Variants in PTPRA observed in about 807,000 individuals in gnomAD.
PTPRA encodes receptor-type tyrosine-protein phosphatase alpha.
PTPRA carries 25 observed loss-of-function variants against 104.8 expected under a neutral mutation model. The observed-to-expected ratio is 0.24, with a 90% CI of 0.17 to 0.33. PTPRA has a LOEUF of 0.33. PTPRA is among the 10% of genes least tolerant of loss of function. The pLI, the probability that PTPRA is intolerant of heterozygous loss-of-function variation, is 1.00. For missense variants in PTPRA, 765 were observed against 1,015.3 expected, an observed-to-expected ratio of 0.75 and a Z score of 3.35; for synonymous variants, 323 against 368.9, an observed-to-expected ratio of 0.88 and a Z score of 1.43.
chr20:2,866,433 T>C, the PTPRA span: 2 of 1,614,186 alleles, frequency 1.2e-6, no homozygotes, highest in Non-Finnish European at 1.7e-6. Context: ...ACCACAGCGA[T>C]GTGGCTCAGG....
At chr20:2,892,742 G>A (rs998011903) in intron 1 of PTPRA, among the ~76,000 whole-genome samples, 1 of 152,156 alleles carries the variant, frequency 6.6e-6, no homozygotes, top group Admixed American at 6.5e-5. Context: ...TTTATGGTGG[G>A]TATATTGGAA....
Position 2,905,813 on chromosome 20 carries a change from TAGCTGG to T in PTPRA, c.-128-17393_-128-17388del, listed in dbSNP as rs1168114859. Reference sequence around the variant, plus strand: ...GATTCTCCTGTCTCAGCCTGCCGAATAGCTGGGATTACAGGCATGCGCCACCACACC... The same window carrying T: ...GATTCTCCTGTCTCAGCCTGCCGAATGATTACAGGCATGCGCCACCACACC... On this transcript the variant is annotated intron_variant, in intron 1 of 23. Coordinates refer to ENST00000399903, the MANE Select transcript of PTPRA (RefSeq NM_001385305.1). 2.0e-5 allele frequency among the ~76,000 whole-genome samples: 3 copies of T among 148,332 alleles called. No individual in the cohort carries two copies. In the East Asian group the frequency reaches 6.3e-4, roughly 31 times the overall value.
At chr20:3,028,200 C>T (rs999821877) in intron 20 of PTPRA, among the ~76,000 whole-genome samples, 1 of 152,032 alleles carries the variant, frequency 6.6e-6, no homozygotes, top group Admixed American at 6.6e-5. Flanking sequence ...GGCACCCTCT[C>T]CTTCCCAGTG....
chr20:2,995,722 G>C (rs1157651232), intron 9 of PTPRA, among the ~76,000 whole-genome samples: 1 of 152,132 alleles, frequency 6.6e-6, no homozygotes, highest in African/African-American at 2.4e-5. Flanking sequence ...ATTTCACTTA[G>C]CAAAATACAT....
intron 20 of PTPRA, among the ~76,000 whole-genome samples, chr20:3,029,942 A>G (rs2065350796): frequency 6.6e-6 from 1 of 152,168 alleles, no homozygotes; most frequent in African/African-American, 2.4e-5. Flanking sequence ...GAAATGAGCC[A>G]CTGTGTTCTC....
chr20:2,888,448 A>G, intron 1 of PTPRA, among the ~76,000 whole-genome samples: 1 of 152,014 alleles, frequency 6.6e-6, no homozygotes, highest in East Asian at 1.9e-4. Context: ...AGTCCTAGCT[A>G]CTTGGGAGGC....
chr20:2,908,428 G>T (rs2059505619), intron 1 of PTPRA, among the ~76,000 whole-genome samples: 1 of 152,182 alleles, frequency 6.6e-6, no homozygotes, highest in Non-Finnish European at 1.5e-5. Context: ...ACAGAACAGT[G>T]AAATTTTTGT....
intron 20 of PTPRA, among the ~76,000 whole-genome samples, chr20:3,030,386 A>C (rs2065377169): frequency 6.6e-6 from 1 of 152,092 alleles, no homozygotes; most frequent in Non-Finnish European, 1.5e-5. Flanking sequence ...TTGCCCTCAA[A>C]AGCTTCTGAG....
At chr20:2,892,329 A>G (rs1031071561) in intron 1 of PTPRA, among the ~76,000 whole-genome samples, 1 of 150,812 alleles carries the variant, frequency 6.6e-6, no homozygotes, top group Admixed American at 6.6e-5. Context: ...GGCCAACTGT[A>G]TGTAATTTAC....
At chr20:2,952,331 T>C (rs903109115) in intron 3 of PTPRA, among the ~76,000 whole-genome samples, 2 of 152,216 alleles carry the variant, frequency 1.3e-5, no homozygotes, top group African/African-American at 4.8e-5. Flanking sequence ...TTGCAGCATC[T>C]TTCATGTGCT....
chr20:3,037,271 A>G lies in PTPRA; in HGVS notation c.2316A>G (p.Pro772=), dbSNP rs2065845821. 1.9e-6 allele frequency: 3 copies of G among 1,614,216 alleles called. No homozygotes were observed. The highest frequency in any genetic ancestry group is 2.5e-6 in the Non-Finnish European group (3 of 1,180,028). Residue 772 remains proline, a synonymous_variant, in exon 23 of 24, where the codon CCA becomes CCG. Coordinates refer to ENST00000399903, the MANE Select transcript of PTPRA (RefSeq NM_001385305.1). The surrounding 1 kb of genome is among the most constrained non-coding windows in gnomAD (Gnocchi z 4.3). The part of the protein sequence containing the change: ...QTVKSLRLQR[P]HMVQTLEQYE... ...TCAAGAGCCTGCGGCTACAGAGGCC[A>G]CACATGGTCCAGACACTGGTATGCT...
intron 1 of PTPRA, among the ~76,000 whole-genome samples, chr20:2,889,079 A>G (rs543098258): frequency 6.6e-6 from 1 of 152,328 alleles, no homozygotes; most frequent in African/African-American, 2.4e-5. Context: ...GCTCAGTTAC[A>G]TGTGTAAGTT....
chr20:2,930,643 A>G (rs539785875), intron 2 of PTPRA, among the ~76,000 whole-genome samples: 2 of 152,228 alleles, frequency 1.3e-5, no homozygotes, highest in East Asian at 3.9e-4. Context: ...GTAAATGATC[A>G]CTCAAATCCT....
chr20:2,955,286 A>G (rs1036779040), intron 3 of PTPRA, among the ~76,000 whole-genome samples: 3 of 152,230 alleles, frequency 2.0e-5, no homozygotes, highest in Non-Finnish European at 4.4e-5. Flanking sequence ...TGCAATATAA[A>G]CCTATACCAA....
Position 2,966,269 on chromosome 20 carries a change from A to G in PTPRA, c.415+1067A>G, listed in dbSNP as rs185836283. 7.6e-3 allele frequency among the ~76,000 whole-genome samples: 1,153 copies of G among 152,210 alleles called. 12 individuals carry two copies. Among genetic ancestry groups the G allele is most frequent in the South Asian group, 0.04 (194 of 4,828 alleles). On this transcript the variant is annotated intron_variant, in intron 5 of 23. Coordinates refer to ENST00000399903, the MANE Select transcript of PTPRA (RefSeq NM_001385305.1). ...AGTTTGAATCCCAGCTCTTCCATAAACCAGCCATGTTTATGGCATAGCTGG... is the reference window on the plus strand; with the variant it reads ...AGTTTGAATCCCAGCTCTTCCATAAGCCAGCCATGTTTATGGCATAGCTGG...
intron 6 of PTPRA, among the ~76,000 whole-genome samples, chr20:2,986,523 A>T (rs1450766361): frequency 6.6e-6 from 1 of 152,216 alleles, no homozygotes; most frequent in Non-Finnish European, 1.5e-5. Flanking sequence ...AAATAAATGT[A>T]TGATAGTCAG....
At chr20:2,902,527 A>G (rs2059276972) in intron 1 of PTPRA, among the ~76,000 whole-genome samples, 1 of 152,228 alleles carries the variant, frequency 6.6e-6, no homozygotes, top group Non-Finnish European at 1.5e-5. Flanking sequence ...TTCTTTTAAA[A>G]GCATGAGATT....
chr20:2,994,431 A>T (rs543798084), intron 9 of PTPRA, among the ~76,000 whole-genome samples: 1 of 152,154 alleles, frequency 6.6e-6, no homozygotes, highest in Non-Finnish European at 1.5e-5. Flanking sequence ...ACGTCTGATC[A>T]TGGTCTCCAA....
At chr20:2,956,554 A>G (rs906366653) in intron 3 of PTPRA, among the ~76,000 whole-genome samples, 21 of 152,166 alleles carry the variant, frequency 1.4e-4, no homozygotes, top group Admixed American at 1.1e-3. Flanking sequence ...TTGAAAGACT[A>G]TGTCTGACCC....
Sources: gnomAD v4.1 joint callset for allele counts (sites outside exome capture counted in the v4.1 genomes callset) on GRCh38, gnomAD v4.1.1 for gene constraint, Gnocchi (gnomAD v3.1) non-coding constraint, MANE v1.5 for transcripts, NCBI Gene and HGNC (gene_info 2026-07-23, HGNC 2026-07-21) for gene names.